Variants in FSHR observed in about 807,000 individuals in gnomAD.
The protein encoded by FSHR is follicle stimulating hormone receptor.
Under a neutral mutation model 52.1 loss-of-function variants are expected in FSHR, and 46 were observed. The ratio of observed to expected loss-of-function variants is 0.88; its 90% confidence interval spans 0.70 to 1.13. FSHR has a LOEUF of 1.13. Among genes scored for constraint, FSHR ranks in the 50% most tolerant of loss-of-function variants. The pLI, the probability that FSHR is intolerant of heterozygous loss-of-function variation, is 0.00. For missense variants in FSHR, 964 were observed against 834.6 expected (o/e 1.16, Z -1.91); for synonymous variants, 399 against 309.6 (o/e 1.29, Z -3.03).
chr2:49,015,916 C>T (rs79317589), intron 4 of FSHR, among the ~76,000 whole-genome samples: 1 of 152,194 alleles, frequency 6.6e-6, no homozygotes, highest in Non-Finnish European at 1.5e-5. Flanking sequence ...TACAACTGCA[C>T]TTGTGTGCCC....
At chr2:49,117,704 T>C (rs773569234) in intron 1 of FSHR, among the ~76,000 whole-genome samples, 24 of 152,178 alleles carry the variant, frequency 1.6e-4, no homozygotes, top group Non-Finnish European at 2.8e-4. Flanking sequence ...AGGAGAAATA[T>C]TTTAACCTCT....
intron 4 of FSHR, among the ~76,000 whole-genome samples, chr2:48,997,726 G>A (rs982342576): frequency 6.6e-6 from 1 of 152,072 alleles, no homozygotes; most frequent in African/African-American, 2.4e-5. Context: ...TGCCATATCT[G>A]AGATTCTGAT....
intron 9 of FSHR, among the ~76,000 whole-genome samples, chr2:48,964,516 G>C (rs745466005): frequency 1.3e-5 from 2 of 152,144 alleles, no homozygotes; most frequent in African/African-American, 2.4e-5. Context: ...TAGGAGGCCA[G>C]CTAATTTGCC....
At chr2:49,151,022 G>A (rs1385840620) in intron 1 of FSHR, among the ~76,000 whole-genome samples, 1 of 151,826 alleles carries the variant, frequency 6.6e-6, no homozygotes, top group East Asian at 1.9e-4. Context: ...ACATGTCCAT[G>A]TTCATTAATT....
At chr2:49,151,607 T>G (rs1673065042) in intron 1 of FSHR, among the ~76,000 whole-genome samples, 1 of 152,140 alleles carries the variant, frequency 6.6e-6, no homozygotes, top group African/African-American at 2.4e-5. Flanking sequence ...GGAATTGTTT[T>G]CCACCCGGTG....
At chr2:48,976,006 G>T (rs1009017015) in intron 8 of FSHR, among the ~76,000 whole-genome samples, 1 of 152,154 alleles carries the variant, frequency 6.6e-6, no homozygotes, top group Admixed American at 6.5e-5. Context: ...GTCCTGGCCA[G>T]AACTTCCAAC....
In FSHR at chr2:49,154,479, C is replaced by A; in HGVS notation, c.-62G>T. 2 of 1,562,910 alleles carry A rather than the reference C, an allele frequency of 1.3e-6. No individual in the cohort carries two copies. The highest frequency in any genetic ancestry group is 1.1e-5 in the South Asian group (1 of 89,348). ...TGCAGAGAAAAACCTCCACAGATCT[C>A]AGAAGCTCCACACAGTGCCCTTATG... is the stretch of plus-strand genomic sequence containing the variant. On this transcript the variant is annotated 5_prime_UTR_variant, in exon 1 of 10. Transcript: ENST00000406846.
Position 49,020,161 on chromosome 2 carries a change from C to T in FSHR, c.225-1G>A, listed in dbSNP as rs989065378. 4 of 1,612,252 alleles carry T rather than the reference C, an allele frequency of 2.5e-6. No homozygotes were observed. The highest frequency in any genetic ancestry group is 3.4e-6 in the Non-Finnish European group (4 of 1,178,510). ...CAAGACATCATTCTGAGAGATCTCT[C>T]TGTGGAGAAAAAAATATATAAGTCA... On this transcript the variant is annotated splice_acceptor_variant, in intron 2 of 9. Transcript: ENST00000406846. LOFTEE classifies it high-confidence loss of function.
At chr2:48,993,493 C>G (rs1029498027) in intron 4 of FSHR, among the ~76,000 whole-genome samples, 2 of 152,120 alleles carry the variant, frequency 1.3e-5, no homozygotes, top group African/African-American at 2.4e-5. Flanking sequence ...TTTTGCCTAT[C>G]TCCACTGACA....
At chr2:49,129,571 G>A (rs548658736) in intron 1 of FSHR, among the ~76,000 whole-genome samples, 5 of 152,276 alleles carry the variant, frequency 3.3e-5, no homozygotes, top group East Asian at 1.9e-4. Context: ...ACAAGACAGG[G>A]AAATAACACA....
chr2:49,085,871 A>G (rs1670365082), intron 1 of FSHR, among the ~76,000 whole-genome samples: 2 of 150,912 alleles, frequency 1.3e-5, no homozygotes, highest in Non-Finnish European at 2.9e-5. Flanking sequence ...AGGACAAAAA[A>G]CCAAACACCG....
At chr2:48,968,616 T>C (rs1206343635) in intron 9 of FSHR, 82 bp downstream of exon 9, 3 of 1,516,112 alleles carry the variant, frequency 2.0e-6, no homozygotes, top group Non-Finnish European at 2.7e-6. Flanking sequence ...GTAGATTCTC[T>C]TCATGTCACA....
chr2:48,984,586 AT>A (rs141416405), intron 6 of FSHR, among the ~76,000 whole-genome samples: 16,947 of 101,576 alleles, frequency 0.17, 1,133 homozygotes, highest in East Asian at 0.39. Context: ...ATAATTGGGT[AT>A]TTTTTTTTTT....
At chr2:48,982,861 T>C in intron 8 of FSHR, 51 bp downstream of exon 8, 2 of 1,483,308 alleles carry the variant, frequency 1.3e-6, no homozygotes, top group Non-Finnish European at 9.4e-7. Context: ...AGTTGACTTC[T>C]AACTTACACA....
At chr2:49,119,221 G>A (rs921801878) in intron 1 of FSHR, among the ~76,000 whole-genome samples, 6 of 152,176 alleles carry the variant, frequency 3.9e-5, no homozygotes, top group Non-Finnish European at 8.8e-5. Context: ...CCAAAGGCAA[G>A]AAGCTAGAGC....
chr2:49,040,704 T>G (rs1668451279), intron 2 of FSHR, among the ~76,000 whole-genome samples: 1 of 152,186 alleles, frequency 6.6e-6, no homozygotes, highest in South Asian at 2.1e-4. Context: ...GAGTCTGGCC[T>G]GGCAGCAGGG....
At chr2:49,107,312 A>T (rs565656720) in intron 1 of FSHR, among the ~76,000 whole-genome samples, 66 of 151,774 alleles carry the variant, frequency 4.3e-4, no homozygotes, top group African/African-American at 1.6e-3. Context: ...TTTGTCTTCC[A>T]TATGATCTCC....
intron 1 of FSHR, among the ~76,000 whole-genome samples, chr2:49,090,751 G>A (rs917716591): frequency 6.6e-6 from 1 of 152,156 alleles, no homozygotes; most frequent in Non-Finnish European, 1.5e-5. Context: ...AGAGTTCCAG[G>A]TGCTCTACAT....
In FSHR at chr2:49,131,367, G is replaced by A. The variant is rs189111417; in HGVS notation, c.152+22899C>T. On this transcript the variant is annotated intron_variant, in intron 1 of 9. Transcript: ENST00000406846. ...ATGTTTAAGTAAGTCAGAAACATAGGATGTTGAATCCAAAGACCCTCTAAG... is the reference window on the plus strand; with the variant it reads ...ATGTTTAAGTAAGTCAGAAACATAGAATGTTGAATCCAAAGACCCTCTAAG... Among the ~76,000 whole-genome samples, 458 of 152,232 alleles carry A rather than the reference G, an allele frequency of 3.0e-3. 1 individual carries two copies. Among genetic ancestry groups the A allele is most frequent in the Middle Eastern group, 0.027 (8 of 294 alleles).
Sources: allele counts gnomAD v4.1 joint callset (sites outside exome capture counted in the v4.1 genomes callset), GRCh38; gene constraint gnomAD v4.1.1; transcripts MANE v1.5; gene names NCBI Gene and HGNC (gene_info 2026-07-23, HGNC 2026-07-21).